The following SLC37A3 variants were observed in gnomAD, a reference collection of about 807,000 sequenced individuals.
The protein encoded by SLC37A3 is sugar phosphate exchanger 3.
Under a neutral mutation model 67.1 loss-of-function variants are expected in SLC37A3, and 51 were observed. The observed-to-expected ratio is 0.76, with a 90% CI of 0.61 to 0.96. The LOEUF (loss-of-function observed/expected upper bound fraction) is 0.96. Ranked by LOEUF, SLC37A3 falls within the 40% of genes least tolerant of loss-of-function variation. The probability of loss-of-function intolerance (pLI) is 0.00; values close to 1 mark genes in which losing one functional copy is unlikely to be tolerated. For synonymous variants in SLC37A3, 214 were observed against 231.4 expected (o/e 0.92, Z 0.68); for missense variants, 508 against 603.0 (o/e 0.84, Z 1.65).
At chr7:140,343,162 G>A (rs1396073232) in intron 13 of SLC37A3, among the ~76,000 whole-genome samples, 6 of 152,182 alleles carry the variant, frequency 3.9e-5, no homozygotes, top group African/African-American at 1.4e-4. Flanking sequence ...TCTGTCTTAC[G>A]AGGTCTTAGC....
chr7:140,337,526 T>A lies in SLC37A3; in HGVS notation c.1327-177A>T, dbSNP rs1029949270. On this transcript the variant is annotated intron_variant, in intron 13 of 14. Coordinates refer to ENST00000326232, the MANE Select transcript of SLC37A3 (RefSeq NM_207113.3). ...TGCCTGCTGTGATTAATGGCCCATT[T>A]AAGCATGCAGAGTCCAAATGGAAAA... 1.1e-5 allele frequency: 5 copies of A among 459,070 alleles called. No individual in the cohort carries two copies. The Admixed American group carries it at 1.7e-4, about 15-fold the overall frequency. 28.4% of individuals were successfully genotyped at this position (459,070 alleles called of 1,614,324 possible). A position where few individuals can be genotyped will look rare whatever the true frequency, so the allele number is the denominator to read the frequency against.
chr7:140,380,655 C>G (rs1311493915), intron 2 of SLC37A3, among the ~76,000 whole-genome samples: 1 of 152,042 alleles, frequency 6.6e-6, no homozygotes, highest in African/African-American at 2.4e-5. Context: ...AGCCAGCCTC[C>G]CAGCCCAGCC....
chr7:140,339,985 G>A (rs532088762), intron 13 of SLC37A3, among the ~76,000 whole-genome samples: 61 of 150,740 alleles, frequency 4.0e-4, no homozygotes, highest in South Asian at 3.8e-3. Context: ...TGATCCGCCC[G>A]CCTCGGCCTC....
intron 3 of SLC37A3, among the ~76,000 whole-genome samples, chr7:140,372,713 A>C (rs1475578019): frequency 6.6e-6 from 1 of 152,022 alleles, no homozygotes; most frequent in African/African-American, 2.4e-5. Flanking sequence ...AATTACAAAA[A>C]TTAGCCACGT....
intron 1 of SLC37A3, among the ~76,000 whole-genome samples, chr7:140,397,693 G>A (rs1359425341): frequency 1.3e-5 from 2 of 151,848 alleles, no homozygotes; most frequent in Non-Finnish European, 2.9e-5. Flanking sequence ...TAAACCGGTG[G>A]ACAAAAAGAT....
In SLC37A3 at chr7:140,335,227, T is replaced by C; in HGVS notation, c.*185A>G. On this transcript the variant is annotated 3_prime_UTR_variant, in exon 15 of 15. Coordinates refer to ENST00000326232, the MANE Select transcript of SLC37A3 (RefSeq NM_207113.3). Reference sequence around the variant, plus strand: ...AGCAAAAATCATCAACAGTAATTCCTGTAGTGTAGAAAACTAGTGCAGCCT... The same window carrying C: ...AGCAAAAATCATCAACAGTAATTCCCGTAGTGTAGAAAACTAGTGCAGCCT... 1 of 1,611,852 alleles carries C rather than the reference T, an allele frequency of 6.2e-7. No homozygotes were observed. Among genetic ancestry groups the C allele is most frequent in the Non-Finnish European group, 8.5e-7 (1 of 1,178,404 alleles).
At chr7:140,343,379 A>C (rs762610995) in intron 13 of SLC37A3, 33 bp downstream of exon 13, 1 of 1,611,726 alleles carries the variant, frequency 6.2e-7, no homozygotes, top group Non-Finnish European at 8.5e-7. Context: ...GAGGGAAGAC[A>C]CTAGAATCCC....
At chr7:140,362,519 C>A (rs1186480519) in intron 5 of SLC37A3, among the ~76,000 whole-genome samples, 1 of 143,652 alleles carries the variant, frequency 7.0e-6, no homozygotes, top group African/African-American at 2.6e-5. Flanking sequence ...ACCCCTCTGC[C>A]CGGCCAGCCG....
intron 4 of SLC37A3, among the ~76,000 whole-genome samples, chr7:140,368,864 C>T (rs996229506): frequency 2.0e-5 from 3 of 152,226 alleles, no homozygotes; most frequent in Non-Finnish European, 2.9e-5. Context: ...TCCAAAACAC[C>T]GCTAAAATCT....
At chr7:140,351,227 G>A (rs1585273750) in intron 9 of SLC37A3, 46 bp downstream of exon 9, 1 of 1,564,880 alleles carries the variant, frequency 6.4e-7, no homozygotes, top group East Asian at 2.2e-5. Flanking sequence ...AGATGTCACG[G>A]GCTCTCATAC....
intron 1 of SLC37A3, among the ~76,000 whole-genome samples, chr7:140,391,102 T>C (rs550629824): frequency 6.6e-6 from 1 of 152,342 alleles, no homozygotes; most frequent in Non-Finnish European, 1.5e-5. Context: ...TTTCTCAACC[T>C]GTGACAGCGA....
chr7:140,339,609 G>A (rs1473534399), intron 13 of SLC37A3, among the ~76,000 whole-genome samples: 1 of 151,702 alleles, frequency 6.6e-6, no homozygotes, highest in Non-Finnish European at 1.5e-5. Context: ...GGGTCATATG[G>A]TAATTCTATT....
chr7:140,344,420 C>A (rs1488120982), intron 12 of SLC37A3, among the ~76,000 whole-genome samples: 3 of 151,980 alleles, frequency 2.0e-5, no homozygotes, highest in Non-Finnish European at 1.5e-5. Flanking sequence ...AAGAGCGAGA[C>A]TCCTTCTCAA....
At position 140,395,379 on chromosome 7, in the gene SLC37A3, TAAAAAAAAAAAA is replaced by T. The variant is rs35674101; in HGVS notation, c.-71+3025_-71+3036del. 2.1e-4 allele frequency among the ~76,000 whole-genome samples: 16 copies of T among 77,804 alleles called. No homozygotes were observed. In the East Asian group the frequency reaches 3.4e-3, roughly 16 times the overall value. The allele number at this position is 77,804 out of a possible 152,430, so 51.0% of individuals were successfully genotyped here. A position where few individuals can be genotyped will look rare whatever the true frequency, so the allele number is the denominator to read the frequency against. On this transcript the variant is annotated intron_variant, in intron 1 of 14. Transcript: ENST00000326232. Reference sequence around the variant, plus strand: ...GACAAAGCGAGACTCCATCTCAAATTAAAAAAAAAAAAAAAAAAAAAAAAGAGCTATAAAAAA... The same window carrying T: ...GACAAAGCGAGACTCCATCTCAAATTAAAAAAAAAAAAGAGCTATAAAAAA...
chr7:140,366,120 A>G (rs987063322), intron 4 of SLC37A3, among the ~76,000 whole-genome samples: 1 of 151,608 alleles, frequency 6.6e-6, no homozygotes, highest in South Asian at 2.1e-4. Context: ...GGTTCTTGCT[A>G]TGTTGGCCAG....
At chr7:140,378,668 CG>C (rs1162752536) in intron 3 of SLC37A3, among the ~76,000 whole-genome samples, 4 of 144,726 alleles carry the variant, frequency 2.8e-5, no homozygotes, top group African/African-American at 1.0e-4. Flanking sequence ...ACCCGGGAGG[CG>C]GATGTTGCAG....
intron 1 of SLC37A3, among the ~76,000 whole-genome samples, chr7:140,384,474 G>A (rs1317863197): frequency 6.6e-6 from 1 of 152,088 alleles, no homozygotes; most frequent in East Asian, 1.9e-4. Flanking sequence ...CACTTTGGTA[G>A]GCCAAGGTGG....
Position 140,380,211 on chromosome 7 carries a change from G to T in SLC37A3, c.198+71C>A. 3.5e-6 allele frequency: 3 copies of T among 868,944 alleles called. No individual in the cohort carries two copies. In the South Asian group the frequency reaches 4.9e-5, roughly 14 times the overall value. The allele number at this position is 868,944 out of a possible 1,614,324, so 53.8% of individuals were successfully genotyped here. A position where few individuals can be genotyped will look rare whatever the true frequency, so the allele number is the denominator to read the frequency against. ...CTAGGCAAGTAAAAGATGCAAAAAA[G>T]AGCTTAAGAACAATCTAGGGGTGGG... On this transcript the variant is annotated intron_variant, in intron 3 of 14. Coordinates refer to ENST00000326232, the MANE Select transcript of SLC37A3 (RefSeq NM_207113.3).
chr7:140,369,702 A>C lies in SLC37A3; in HGVS notation c.199-20T>G. 1.9e-6 allele frequency: 3 copies of C among 1,605,978 alleles called. No individual in the cohort carries two copies. The highest frequency in any genetic ancestry group is 2.6e-6 in the Non-Finnish European group (3 of 1,173,312). ...CCAGATCTACAGTAAGACAGCAGGA[A>C]CAGGTCAGTCCCTGTAGAATCTGCC... On this transcript the variant is annotated intron_variant, in intron 3 of 14. Transcript: ENST00000326232.
Sources: gnomAD v4.1 joint callset for allele counts (sites outside exome capture counted in the v4.1 genomes callset) on GRCh38, gnomAD v4.1.1 for gene constraint, MANE v1.5 for transcripts, NCBI Gene and HGNC (gene_info 2026-07-23, HGNC 2026-07-21) for gene names.